TTC34: variants seen among roughly 807,000 people sequenced by gnomAD.
TTC34 encodes tetratricopeptide repeat protein 34.
TTC34 carries 44 observed loss-of-function variants against 40.7 expected under a neutral mutation model. The observed-to-expected ratio is 1.08, with a 90% confidence interval of 0.85 to 1.39. The LOEUF (loss-of-function observed/expected upper bound fraction) is 1.39, where lower values mean the gene tolerates loss of function less well. Among genes scored for constraint, TTC34 ranks in the 40% most tolerant of loss-of-function variants. The pLI is 0.00. For synonymous variants in TTC34, 422 were observed against 398.6 expected (o/e 1.06, Z -0.70); for missense variants, 884 against 838.0 (o/e 1.05, Z -0.68).
At chr1:2,791,952 C>T (rs575851467) in intron 2 of TTC34, among the ~76,000 whole-genome samples, 38 of 141,488 alleles carry the variant, frequency 2.7e-4, no homozygotes, top group Non-Finnish European at 3.9e-4. Context: ...CTTCTACTGT[C>T]GCTAATATTT....
intron 6 of TTC34, among the ~76,000 whole-genome samples, chr1:2,659,366 TTGTC>T (rs1639459620): frequency 2.3e-3 from 1 of 428 alleles, no homozygotes; most frequent in Non-Finnish European, 9.3e-3. Flanking sequence ...GAGAATCTGA[TTGTC>T]TGGAGCATCA....
At position 2,748,250 on chromosome 1, in the gene TTC34, G is replaced by T; in HGVS notation, c.2226+35359C>A. On this transcript the variant is annotated intron_variant, in intron 6 of 8. Transcript: ENST00000401095. The stretch of plus-strand genomic sequence containing the variant: ...GAACAGCACCCACAACCACAGGTGA[G>T]CATCTGAAAGCCCGCAGCATCACCC... Among the ~76,000 whole-genome samples, 2 of 65,114 alleles carry T rather than the reference G, an allele frequency of 3.1e-5. 1 individual carries two copies. The highest frequency in any genetic ancestry group is 1.2e-3 in the East Asian group (2 of 1,722). The allele number at this position is 65,114 out of a possible 152,430, so 42.7% of individuals were successfully genotyped here.
chr1:2,686,265 G>A (rs1435345359), intron 6 of TTC34, among the ~76,000 whole-genome samples: 1 of 150,212 alleles, frequency 6.7e-6, no homozygotes, highest in African/African-American at 2.5e-5. Flanking sequence ...CTGACAGCGT[G>A]GAGGAGCACC....
intron 6 of TTC34, among the ~76,000 whole-genome samples, chr1:2,750,317 C>A (rs1288716092): frequency 9.8e-6 from 1 of 102,546 alleles, no homozygotes; most frequent in Non-Finnish European, 1.8e-5. Context: ...TGGAACTGCA[C>A]CCCCATGCCC....
At chr1:2,684,776 G>A (rs1275659372) in intron 6 of TTC34, among the ~76,000 whole-genome samples, 73 of 29,964 alleles carry the variant, frequency 2.4e-3, no homozygotes, top group African/African-American at 3.3e-3. Context: ...AGCATCTGAC[G>A]GCCTGGAACA....
At position 2,698,819 on chromosome 1, in the gene TTC34, G is replaced by A. The variant is rs1293022270; in HGVS notation, c.2227-53256C>T. On this transcript the variant is annotated intron_variant, in intron 6 of 8. Transcript: ENST00000401095. Reference sequence around the variant, plus strand: ...AGCAGCACCCCACACCCACAGGTGAGCATCTCACAGCCTGCAACAGTACCC... The same window carrying A: ...AGCAGCACCCCACACCCACAGGTGAACATCTCACAGCCTGCAACAGTACCC... 6.1e-5 allele frequency among the ~76,000 whole-genome samples: 9 copies of A among 147,336 alleles called. 1 individual carries two copies. Among genetic ancestry groups the A allele is most frequent in the Non-Finnish European group, 1.3e-4 (9 of 67,060 alleles).
At chr1:2,652,527 C>CTGA (rs1639182322) in intron 6 of TTC34, among the ~76,000 whole-genome samples, 5 of 43,388 alleles carry the variant, frequency 1.2e-4, no homozygotes, top group Non-Finnish European at 1.2e-4. Flanking sequence ...ACCCACACCT[C>CTGA]CAGGCGAGCA....
At chr1:2,748,909 C>G (rs1379481398) in intron 6 of TTC34, among the ~76,000 whole-genome samples, 2 of 111,268 alleles carry the variant, frequency 1.8e-5, no homozygotes, top group Middle Eastern at 6.0e-3. Flanking sequence ...CAGCCTGGAA[C>G]AGAACCCACA....
chr1:2,684,667 G>C (rs1443332532), intron 6 of TTC34, among the ~76,000 whole-genome samples: 1 of 105,050 alleles, frequency 9.5e-6, no homozygotes, highest in African/African-American at 4.3e-5. Context: ...GCCTGGAGCA[G>C]CACCCACACG....
chr1:2,647,851 ATAATTTCC>A (rs1215330179), intron 6 of TTC34, among the ~76,000 whole-genome samples: 2 of 152,070 alleles, frequency 1.3e-5, no homozygotes, highest in Non-Finnish European at 2.9e-5. Flanking sequence ...CTTAGATTGG[ATAATTTCC>A]TTAGATTGGA....
At chr1:2,778,516 G>A (rs1643392942) in intron 6 of TTC34, among the ~76,000 whole-genome samples, 1 of 152,202 alleles carries the variant, frequency 6.6e-6, no homozygotes, top group Admixed American at 6.5e-5. Context: ...CAGATCACAG[G>A]GGATGTCCCT....
At chr1:2,647,793 C>T (rs1639050241) in intron 6 of TTC34, among the ~76,000 whole-genome samples, 1 of 152,150 alleles carries the variant, frequency 6.6e-6, no homozygotes, top group Non-Finnish European at 1.5e-5. Flanking sequence ...CAGCTCTCAT[C>T]GTTTGAAACA....
intron 6 of TTC34, among the ~76,000 whole-genome samples, chr1:2,657,452 C>A (rs1445012500): frequency 4.5e-5 from 4 of 89,692 alleles, no homozygotes; most frequent in South Asian, 3.3e-4. Context: ...CATGGAGCAG[C>A]ACCCACGCCC....
At chr1:2,643,258 A>G (rs900399626) in intron 8 of TTC34, among the ~76,000 whole-genome samples, 3 of 152,206 alleles carry the variant, frequency 2.0e-5, no homozygotes, top group Non-Finnish European at 4.4e-5. Context: ...AAGCGGGGCG[A>G]AACCACTGTT....
At chr1:2,755,729 G>A (rs1250511853) in intron 6 of TTC34, among the ~76,000 whole-genome samples, 1 of 36,484 alleles carries the variant, frequency 2.7e-5, no homozygotes, top group East Asian at 1.4e-3. Context: ...CGACAGCCTG[G>A]AGCAGCACCC....
At chr1:2,783,204 C>T (rs1307364373) in intron 6 of TTC34, among the ~76,000 whole-genome samples, 1 of 152,228 alleles carries the variant, frequency 6.6e-6, no homozygotes, top group East Asian at 1.9e-4. Flanking sequence ...CCAGCACTTA[C>T]TCCCTCTGTG....
intron 6 of TTC34, among the ~76,000 whole-genome samples, chr1:2,652,899 A>G: frequency 6.6e-6 from 1 of 152,152 alleles, no homozygotes; most frequent in Non-Finnish European, 1.5e-5. Context: ...AAAGGTGAGC[A>G]TCGGAGAGTC....
chr1:2,696,680 C>A (rs1047864261), intron 6 of TTC34, among the ~76,000 whole-genome samples: 32 of 76,194 alleles, frequency 4.2e-4, no homozygotes, highest in Non-Finnish European at 5.2e-4. Flanking sequence ...GCACCCACAC[C>A]CCCAGGTGAG....
chr1:2,688,229 G>T (rs797007257), intron 6 of TTC34, among the ~76,000 whole-genome samples: 421 of 130,228 alleles, frequency 3.2e-3, no homozygotes, highest in Admixed American at 6.4e-3. Context: ...GCATCCGACA[G>T]CCTGGAGCAG....
Sources: allele counts gnomAD v4.1 joint callset (sites outside exome capture counted in the v4.1 genomes callset), GRCh38; gene constraint gnomAD v4.1.1; transcripts MANE v1.5; gene names NCBI Gene and HGNC (gene_info 2026-07-23, HGNC 2026-07-21).